Variants in ARL9 observed in about 807,000 individuals in gnomAD.
ARL9 encodes ADP-ribosylation factor-like protein 9.
Under a neutral mutation model 27.0 loss-of-function variants are expected in ARL9, and 14 were observed. The ratio of observed to expected loss-of-function variants is 0.52; its 90% CI spans 0.34 to 0.81. The LOEUF is 0.81. Among genes scored for constraint, ARL9 ranks in the 30% least tolerant of loss-of-function variants. The probability of loss-of-function intolerance (pLI) is 0.01; values close to 1 mark genes in which losing one functional copy is unlikely to be tolerated. For synonymous variants in ARL9, 106 were observed against 108.7 expected (o/e 0.98, Z 0.15); for missense variants, 294 against 290.0 (o/e 1.01, Z -0.10).
chr4:56,505,821 C>T lies in ARL9; in HGVS notation c.-42C>T. 1 of 1,284,226 alleles carries T rather than the reference C, an allele frequency of 7.8e-7. No individual in the cohort carries two copies. Among genetic ancestry groups the T allele is most frequent in the South Asian group, 2.8e-5 (1 of 35,844 alleles). The allele number at this position is 1,284,226 out of a possible 1,614,324, so 79.6% of individuals were successfully genotyped here. Reference sequence around the variant, plus strand: ...TGGGGCCCAGAGCCACCGCTCAGCACGCGGGCACGCGGCGGGAGGGAAGGA... The same window carrying T: ...TGGGGCCCAGAGCCACCGCTCAGCATGCGGGCACGCGGCGGGAGGGAAGGA... On this transcript the variant is annotated 5_prime_UTR_variant, in exon 1 of 4. The change creates a new upstream start codon in the 5' untranslated region. Coordinates refer to ENST00000640821, the MANE Select transcript of ARL9 (RefSeq NM_001363794.2).
chr4:56,523,853 C>T lies in ARL9; in HGVS notation c.775C>T (p.Gln259Ter), dbSNP rs758642714. The change falls in exon 4 of 4, where the codon CAG (glutamine) becomes TAG (stop). Residue 259 changes from glutamine to a stop codon, truncating the protein, a stop_gained. Coordinates refer to ENST00000640821, the MANE Select transcript of ARL9 (RefSeq NM_001363794.2). LOFTEE classifies it high-confidence loss of function. ...TMQDAKDLIAQLAADVQ is the reference protein window; with the variant it reads ...TMQDAKDLIA ...GCAAGATGCCAAAGACTTGATTGCA[C>T]AGCTGGCTGCAGATGTGCAGTGACC... The T allele has an allele frequency of 6.2e-7, 1 of 1,613,640 alleles. No homozygotes were observed. The highest frequency in any genetic ancestry group is 1.3e-5 in the African/African-American group (1 of 74,954).
chr4:56,522,481 A>C (rs1463352690), intron 3 of ARL9, among the ~76,000 whole-genome samples: 1 of 152,126 alleles, frequency 6.6e-6, no homozygotes, highest in Non-Finnish European at 1.5e-5. Context: ...GGTTATTTCC[A>C]GAGATTTAAA....
chr4:56,518,086 C>A (rs150993993), intron 2 of ARL9, among the ~76,000 whole-genome samples: 10 of 152,104 alleles, frequency 6.6e-5, no homozygotes, highest in Non-Finnish European at 1.3e-4. Flanking sequence ...CCTGTTCACA[C>A]CACTGCACTT....
chr4:56,522,295 C>T (rs1721945950), intron 3 of ARL9, among the ~76,000 whole-genome samples: 1 of 152,010 alleles, frequency 6.6e-6, no homozygotes, highest in African/African-American at 2.4e-5. Context: ...GTGGCGCACA[C>T]CTGTAATCCC....
intron 2 of ARL9, among the ~76,000 whole-genome samples, chr4:56,514,053 C>T (rs1421068287): frequency 6.6e-6 from 1 of 152,112 alleles, no homozygotes; most frequent in Non-Finnish European, 1.5e-5. Flanking sequence ...TGCCTGTAGT[C>T]CCAGCTACTC....
At position 56,505,975 on chromosome 4, in the gene ARL9, T is replaced by C; in HGVS notation, c.113T>C (p.Ile38Thr). The C allele has an allele frequency of 2.5e-6, 3 of 1,201,912 alleles. No individual in the cohort carries two copies. Among genetic ancestry groups the C allele is most frequent in the Non-Finnish European group, 2.1e-6 (2 of 966,626 alleles). 74.5% of individuals were successfully genotyped at this position (1,201,912 alleles called of 1,614,324 possible). ...AAAAGAAAGGAGGTGGAGCAGAAAATTAAACAAAAGCAAGAGAAGCAGGAG... is the reference window on the plus strand; with the variant it reads ...AAAAGAAAGGAGGTGGAGCAGAAAACTAAACAAAAGCAAGAGAAGCAGGAG... Reference protein sequence around the residue: ...KVKRKEVEQKIKQKQEKQERR... With the variant: ...KVKRKEVEQKTKQKQEKQERR... The change falls in exon 1 of 4, where the codon ATT (isoleucine) becomes ACT (threonine). Residue 38 changes from isoleucine to threonine, a missense_variant. Coordinates refer to ENST00000640821, the MANE Select transcript of ARL9 (RefSeq NM_001363794.2).
chr4:56,505,831 C>T lies in ARL9; in HGVS notation c.-32C>T, dbSNP rs1025809735. The T allele has an allele frequency of 2.4e-6, 3 of 1,265,032 alleles. No homozygotes were observed. Among genetic ancestry groups the T allele is most frequent in the Non-Finnish European group, 3.0e-6 (3 of 1,007,032 alleles). 78.4% of individuals were successfully genotyped at this position (1,265,032 alleles called of 1,614,324 possible). On this transcript the variant is annotated 5_prime_UTR_variant, in exon 1 of 4. Coordinates refer to ENST00000640821, the MANE Select transcript of ARL9 (RefSeq NM_001363794.2). ...AGCCACCGCTCAGCACGCGGGCACG[C>T]GGCGGGAGGGAAGGAAACCGCGGCG...
At chr4:56,516,159 G>C (rs1041406197) in intron 2 of ARL9, among the ~76,000 whole-genome samples, 1 of 152,204 alleles carries the variant, frequency 6.6e-6, no homozygotes, top group Middle Eastern at 3.4e-3. Context: ...ATGGTGCAGG[G>C]ACCACATGGA....
At chr4:56,513,577 C>A (rs1721694227) in intron 2 of ARL9, among the ~76,000 whole-genome samples, 1 of 152,120 alleles carries the variant, frequency 6.6e-6, no homozygotes, top group African/African-American at 2.4e-5. Context: ...TCAAGGCTAC[C>A]TGCTTTACTC....
chr4:56,523,446 T>C (rs1190400716), intron 3 of ARL9, among the ~76,000 whole-genome samples: 1 of 152,184 alleles, frequency 6.6e-6, no homozygotes, highest in Non-Finnish European at 1.5e-5. Context: ...TTTAGAAAAT[T>C]AAGGTATTAT....
chr4:56,519,849 G>A (rs1370976278), intron 3 of ARL9, among the ~76,000 whole-genome samples: 1 of 151,968 alleles, frequency 6.6e-6, no homozygotes, highest in Non-Finnish European at 1.5e-5. Flanking sequence ...GTATGCACAT[G>A]CAAAGGGATT....
At position 56,506,045 on chromosome 4, in the gene ARL9, G is replaced by C. The variant is rs1721450020; in HGVS notation, c.183G>C (p.Gly61=). 1 of 1,230,858 alleles carries C rather than the reference G, an allele frequency of 8.1e-7. No individual in the cohort carries two copies. Among genetic ancestry groups the C allele is most frequent in the African/African-American group, 1.6e-5 (1 of 64,348 alleles). The allele number at this position is 1,230,858 out of a possible 1,614,324, so 76.2% of individuals were successfully genotyped here. Residue 61 remains glycine (G), a synonymous_variant, in exon 1 of 4, where the codon GGG becomes GGC. Transcript: ENST00000640821. The part of the protein sequence containing the change: ...KEKEEKRTKQ[G]KETNKEKEQF... ...AAGAGGAAAAGAGGACAAAGCAAGG[G>C]AAGGAGACAAACAAAGAGAAGGAAC...
intron 2 of ARL9, among the ~76,000 whole-genome samples, chr4:56,515,526 GAAAT>G (rs560410062): frequency 9.5e-4 from 145 of 152,078 alleles, no homozygotes; most frequent in African/African-American, 3.5e-3. Flanking sequence ...TTGAGAAAAA[GAAAT>G]AAAAGGCGTA....
chr4:56,513,575 A>G (rs1721694168), intron 2 of ARL9, among the ~76,000 whole-genome samples: 1 of 152,198 alleles, frequency 6.6e-6, no homozygotes, highest in South Asian at 2.1e-4. Context: ...TTTCAAGGCT[A>G]CCTGCTTTAC....
chr4:56,506,895 T>C (rs374920863), intron 1 of ARL9, among the ~76,000 whole-genome samples: 25 of 151,798 alleles, frequency 1.6e-4, no homozygotes, highest in African/African-American at 5.1e-4. Context: ...CACCTCAGCC[T>C]GGCACCGCCC....
Position 56,523,626 on chromosome 4 carries a change from A to G in ARL9, c.619-71A>G, listed in dbSNP as rs941368421. 7 of 1,276,620 alleles carry G rather than the reference A, an allele frequency of 5.5e-6. No homozygotes were observed. The African/African-American group carries it at 8.9e-5, about 16-fold the overall frequency. 79.1% of individuals were successfully genotyped at this position (1,276,620 alleles called of 1,614,324 possible). On this transcript the variant is annotated intron_variant, in intron 3 of 3. Transcript: ENST00000640821. ...TCACTGAGAGCAATAAATAAGAGTA[A>G]TAAATGTGTTTATCTGAAAGGATTG...
chr4:56,509,208 T>TG, intron 1 of ARL9, among the ~76,000 whole-genome samples: 1 of 125,798 alleles, frequency 7.9e-6, no homozygotes, highest in East Asian at 2.7e-4. Context: ...TTTCTTTTTT[T>TG]TGTTTTTTTT....
intron 2 of ARL9, among the ~76,000 whole-genome samples, chr4:56,515,258 C>CAA (rs199790664): frequency 3.2e-5 from 3 of 92,412 alleles, no homozygotes; most frequent in Non-Finnish European, 6.7e-5. Context: ...AACTCCATCT[C>CAA]AAAAAAAAAA....
In ARL9 at chr4:56,511,114, G is replaced by T. The variant is rs914675653; in HGVS notation, c.280-71G>T. ...GGTTACAGTTCCAAGAATATTATTGGATTCTGCCAAGACCCAGAAAAATGA... is the reference window on the plus strand; with the variant it reads ...GGTTACAGTTCCAAGAATATTATTGTATTCTGCCAAGACCCAGAAAAATGA... On this transcript the variant is annotated intron_variant, in intron 1 of 3. Coordinates refer to ENST00000640821, the MANE Select transcript of ARL9 (RefSeq NM_001363794.2). The T allele has an allele frequency of 5.9e-5, 81 of 1,361,908 alleles. 1 individual carries two copies. The South Asian group carries it at 9.3e-4, about 16-fold the overall frequency. The allele number at this position is 1,361,908 out of a possible 1,614,324, so 84.4% of individuals were successfully genotyped here. A position where few individuals can be genotyped will look rare whatever the true frequency, so the allele number is the denominator to read the frequency against.
Sources: allele counts gnomAD v4.1 joint callset (sites outside exome capture counted in the v4.1 genomes callset), GRCh38; gene constraint gnomAD v4.1.1; transcripts MANE v1.5; gene names NCBI Gene and HGNC (gene_info 2026-07-23, HGNC 2026-07-21).